The following UNC13B variants were observed in gnomAD, a reference collection of about 807,000 sequenced individuals.
UNC13B encodes unc-13 homolog B.
In UNC13B, 144 loss-of-function variants were observed where a neutral mutation model predicts 211.0. The observed-to-expected ratio is 0.68, with a 90% CI of 0.60 to 0.78. The LOEUF (loss-of-function observed/expected upper bound fraction) is 0.78, where lower values mean the gene tolerates loss of function less well. UNC13B is among the 30% of genes least tolerant of loss of function. UNC13B has a pLI of 0.00. For missense variants in UNC13B, 1,777 were observed against 2,002.0 expected, an observed-to-expected ratio of 0.89 and a Z score of 2.14; for synonymous variants, 709 against 725.8, an observed-to-expected ratio of 0.98 and a Z score of 0.37.
intron 10 of UNC13B, 61 bp from the exon 11 acceptor site, chr9:35,313,838 G>A (rs574692876): frequency 7.5e-7 from 1 of 1,335,132 alleles, no homozygotes; most frequent in East Asian, 2.3e-5. Context: ...GTCTTGCCTT[G>A]AGCAGTGTCA....
intron 27 of UNC13B, 41 bp downstream of exon 27, chr9:35,396,643 C>A: frequency 6.2e-7 from 1 of 1,611,994 alleles, no homozygotes; most frequent in Non-Finnish European, 8.5e-7. Flanking sequence ...AGGGAGCCCT[C>A]TGGGTGGGCA....
At chr9:35,326,429 A>G (rs1403994511) in intron 11 of UNC13B, among the ~76,000 whole-genome samples, 3 of 152,154 alleles carry the variant, frequency 2.0e-5, no homozygotes, top group African/African-American at 7.2e-5. Context: ...ACAGGATCTC[A>G]CTCTGTCCTG....
At position 35,233,753 on chromosome 9, in the gene UNC13B, T is replaced by C. The variant is rs180956604; in HGVS notation, c.152+2534T>C. ...ATTTCTTAAGGGTAAGGTGGGCATC[T>C]TCACTATTTGTGTGCATTTGTGTAG... On this transcript the variant is annotated intron_variant, in intron 3 of 39. Transcript: ENST00000635942. Among the ~76,000 whole-genome samples the C allele has an allele frequency of 2.3e-4, 35 of 152,330 alleles. No homozygotes were observed. The Middle Eastern group carries it at 0.024, about 104-fold the overall frequency.
intron 11 of UNC13B, among the ~76,000 whole-genome samples, chr9:35,320,282 A>G (rs560591391): frequency 1.3e-5 from 2 of 152,290 alleles, no homozygotes; most frequent in East Asian, 3.9e-4. Flanking sequence ...GTTGAATGCT[A>G]GCTCTGTTTT....
At chr9:35,164,062 G>C (rs1415238653) in intron 1 of UNC13B, among the ~76,000 whole-genome samples, 1 of 152,046 alleles carries the variant, frequency 6.6e-6, no homozygotes. Flanking sequence ...TGTCACCCAG[G>C]CTGGAGTGCA....
chr9:35,362,026 T>C (rs1291795048), intron 11 of UNC13B: 1 of 152,180 alleles, frequency 6.6e-6, no homozygotes, highest in Non-Finnish European at 1.5e-5. Flanking sequence ...ACGGGGAGAA[T>C]TGATGCAATT....
chr9:35,398,875 TG>T lies in UNC13B; in HGVS notation c.11922-6del, dbSNP rs377494945. On this transcript the variant is annotated splice_region_variant and splice_polypyrimidine_tract_variant and intron_variant, in intron 32 of 39. Transcript: ENST00000635942. ...AGGGAAAGGCTACACTGCGGGCACA[TG>T]TGTAGTTTCCAGGTACGGATTGATG... The T allele has an allele frequency of 7.7e-5, 124 of 1,612,592 alleles. 1 individual carries two copies. The African/African-American group carries it at 1.6e-3, about 20-fold the overall frequency.
intron 1 of UNC13B, among the ~76,000 whole-genome samples, chr9:35,169,231 G>A (rs1001955214): frequency 6.6e-6 from 1 of 152,070 alleles, no homozygotes; most frequent in Non-Finnish European, 1.5e-5. Flanking sequence ...GACGCATGCC[G>A]GTAGTCTCAG....
intron 11 of UNC13B, among the ~76,000 whole-genome samples, chr9:35,332,862 G>A (rs889464905): frequency 6.6e-6 from 1 of 152,084 alleles, no homozygotes; most frequent in Non-Finnish European, 1.5e-5. Context: ...AATTATGTGA[G>A]CATTTGCCCT....
At chr9:35,189,629 T>C (rs907078019) in intron 1 of UNC13B, among the ~76,000 whole-genome samples, 2 of 152,194 alleles carry the variant, frequency 1.3e-5, no homozygotes, top group African/African-American at 4.8e-5. Flanking sequence ...GCAACACAAA[T>C]AGAAGATTCA....
chr9:35,367,203 G>T (rs1833828115), intron 12 of UNC13B, among the ~76,000 whole-genome samples: 1 of 152,146 alleles, frequency 6.6e-6, no homozygotes, highest in African/African-American at 2.4e-5. Context: ...TTGCAGAATG[G>T]TTACCCTGGT....
Position 35,301,676 on chromosome 9 carries a change from A to G in UNC13B, c.2272A>G (p.Ile758Val), listed in dbSNP as rs1372257475. The part of the protein sequence containing the change: ...DESLLEEKLC[I>V]DLSLLPDQQK... ...GAGTCTATTGGAAGAAAAACTCTGT[A>G]TAGATCTGTCTCTTTTACCAGATCA... The change falls in exon 9 of 40, where the codon ATA (isoleucine) becomes GTA (valine). Residue 758 changes from isoleucine to valine, a missense_variant. Transcript: ENST00000635942. 1 of 398,780 alleles carries G rather than the reference A, an allele frequency of 2.5e-6. No individual in the cohort carries two copies. The highest frequency in any genetic ancestry group is 2.1e-5 in the African/African-American group (1 of 48,632). 24.7% of individuals were successfully genotyped at this position (398,780 alleles called of 1,614,324 possible).
At chr9:35,325,205 G>C (rs1306387157) in intron 11 of UNC13B, among the ~76,000 whole-genome samples, 2 of 152,202 alleles carry the variant, frequency 1.3e-5, no homozygotes, top group Non-Finnish European at 2.9e-5. Context: ...GAATGAACAG[G>C]ATGTAGAGTA....
chr9:35,381,567 T>A lies in UNC13B; in HGVS notation c.10503T>A (p.His3501Gln), dbSNP rs765295713. Residue 3501 changes from histidine to glutamine, a missense_variant, in exon 20 of 40, where the codon CAT becomes CAA. His to Gln is a conservative substitution (Grantham distance 24, BLOSUM62 0). Transcript: ENST00000635942. ...TCTGTCTCCTGCAGAATCTTTTCCATTACCTCACAGACATTCAGGGCAGTG... is the reference window on the plus strand; with the variant it reads ...TCTGTCTCCTGCAGAATCTTTTCCAATACCTCACAGACATTCAGGGCAGTG... Reference protein sequence around the residue: ...QYTCLHENLFHYLTDIQGSGG... With the variant: ...QYTCLHENLFQYLTDIQGSGG... The A allele has an allele frequency of 1.3e-5, 21 of 1,613,400 alleles. No homozygotes were observed. Among genetic ancestry groups the A allele is most frequent in the Non-Finnish European group, 1.3e-5 (15 of 1,179,602 alleles).
At chr9:35,201,548 C>T (rs1823290123) in intron 1 of UNC13B, among the ~76,000 whole-genome samples, 1 of 152,176 alleles carries the variant, frequency 6.6e-6, no homozygotes, top group Non-Finnish European at 1.5e-5. Context: ...TCAACTTCTT[C>T]CTGGTTTAGT....
At chr9:35,227,087 G>T (rs985741936) in intron 1 of UNC13B, among the ~76,000 whole-genome samples, 6 of 152,222 alleles carry the variant, frequency 3.9e-5, no homozygotes, top group Non-Finnish European at 7.3e-5. Context: ...TTGGGAAGAG[G>T]ATTTGAACTG....
rs199730829 is a variant in UNC13B at position 35,398,911 on chromosome 9, G to A, written c.11951G>A (p.Arg3984Gln). The change falls in exon 33 of 40, where the codon CGA becomes CAA. Residue 3984 changes from arginine (R) to glutamine (Q), a missense_variant. Transcript: ENST00000635942. ...SFQVRIDECVRQMADILGQVR... is the reference protein window; with the variant it reads ...SFQVRIDECVQQMADILGQVR... ...CAGGTACGGATTGATGAGTGTGTTC[G>A]ACAAATGGCCGACATCCTGGGCCAG... The A allele has an allele frequency of 1.3e-5, 21 of 1,614,136 alleles. No individual in the cohort carries two copies. The highest frequency in any genetic ancestry group is 9.3e-5 in the African/African-American group (7 of 75,028).
Position 35,305,644 on chromosome 9 carries a change from A to G in UNC13B, c.6240A>G (p.Leu2080=), listed in dbSNP as rs567999776. The G allele has an allele frequency of 4.4e-4, 175 of 399,038 alleles. No homozygotes were observed. Among genetic ancestry groups the G allele is most frequent in the Non-Finnish European group, 6.7e-4 (152 of 226,036 alleles). 24.7% of individuals were successfully genotyped at this position (399,038 alleles called of 1,614,324 possible). ...TEKEVPFRDH[L]IQQSPNSSFS... ...AAGAGGTACCATTCAGAGACCATCTAATCCAGCAGTCACCTAATTCATCTT... is the reference window on the plus strand; with the variant it reads ...AAGAGGTACCATTCAGAGACCATCTGATCCAGCAGTCACCTAATTCATCTT... Residue 2080 remains leucine (L), a synonymous_variant, in exon 9 of 40, where the codon CTA becomes CTG. Transcript: ENST00000635942.
rs578078123 is a variant in UNC13B at position 35,356,377 on chromosome 9, C to A, written c.9415-10570C>A. 1.3e-4 allele frequency among the ~76,000 whole-genome samples: 20 copies of A among 152,116 alleles called. 1 individual carries two copies. The South Asian group carries it at 2.9e-3, about 22-fold the overall frequency. ...ATGATTAATTTGAGTTAGTTTTCATCTTTTTTTTCTTGGTATGTGCCAGGT... is the reference window on the plus strand; with the variant it reads ...ATGATTAATTTGAGTTAGTTTTCATATTTTTTTTCTTGGTATGTGCCAGGT... On this transcript the variant is annotated intron_variant, in intron 11 of 39. Coordinates refer to ENST00000635942, the MANE Select transcript of UNC13B (RefSeq NM_001371189.2).
Sources: allele counts gnomAD v4.1 joint callset (sites outside exome capture counted in the v4.1 genomes callset), GRCh38; gene constraint gnomAD v4.1.1; transcripts MANE v1.5; gene names NCBI Gene and HGNC (gene_info 2026-07-23, HGNC 2026-07-21).